AGL: variants seen among roughly 807,000 people sequenced by gnomAD.
The protein encoded by AGL is amylo-alpha-1,6-glucosidase and 4-alpha-glucanotransferase.
Under a neutral mutation model 199.3 loss-of-function variants are expected in AGL, and 128 were observed. That is an observed-to-expected ratio of 0.64 (90% confidence interval 0.56 to 0.74). The LOEUF is 0.74. Ranked by LOEUF, AGL falls within the 30% of genes least tolerant of loss-of-function variation. AGL has a pLI of 0.00. For missense variants in AGL, 1,809 were observed against 1,820.8 expected, an observed-to-expected ratio of 0.99 and a Z score of 0.12; for synonymous variants, 584 against 594.7, an observed-to-expected ratio of 0.98 and a Z score of 0.26.
Position 99,891,690 on chromosome 1 carries a change from A to G in AGL, c.3034A>G (p.Ile1012Val), listed in dbSNP as rs1419896702. Residue 1012 changes from isoleucine to valine, a missense_variant, in exon 23 of 34, where the codon ATT becomes GTT. Physicochemically the swap from Ile to Val is conservative, Grantham distance 29. Transcript: ENST00000361915. ...CCCATGTTACTTTGATGCTATATTA[A>G]TTGGTGCATATACCACTCTTCTGGA... is the stretch of plus-strand genomic sequence containing the variant. ...LIPCYFDAIL[I>V]GAYTTLLDTA... 1.2e-6 allele frequency: 2 copies of G among 1,613,622 alleles called. No individual in the cohort carries two copies. Among genetic ancestry groups the G allele is most frequent in the East Asian group, 2.2e-5 (1 of 44,814 alleles).
At chr1:99,874,218 G>T (rs1016871574) in intron 7 of AGL, among the ~76,000 whole-genome samples, 3 of 149,082 alleles carry the variant, frequency 2.0e-5, no homozygotes, top group African/African-American at 7.5e-5. Context: ...TGGTAGCACC[G>T]GGGAGGAAAA....
intron 27 of AGL, among the ~76,000 whole-genome samples, chr1:99,904,198 C>T (rs1654072738): frequency 6.6e-6 from 1 of 152,218 alleles, no homozygotes; most frequent in African/African-American, 2.4e-5. Flanking sequence ...TCATGGCACA[C>T]TATCATCGCC....
chr1:99,857,847 A>AGGGGGAGGCCGTGGGGAGGGGGCGGGGGG (rs1649686521), intron 2 of AGL, among the ~76,000 whole-genome samples: 1 of 8,226 alleles, frequency 1.2e-4, no homozygotes, highest in Non-Finnish European at 2.4e-4. Context: ...GGGGAGGGGG[A>AGGGGGAGGCCGTGGGGAGGGGGCGGGGGG]GGGGGGAAGA....
chr1:99,857,476 G>A (rs1477143534), intron 2 of AGL, among the ~76,000 whole-genome samples: 1 of 152,072 alleles, frequency 6.6e-6, no homozygotes, highest in Non-Finnish European at 1.5e-5. Context: ...GGAGGTGGAG[G>A]TTGTAGTGAG....
chr1:99,910,688 T>C, intron 27 of AGL, 24 bp from the exon 28 acceptor site: 1 of 1,426,060 alleles, frequency 7.0e-7, no homozygotes, highest in Non-Finnish European at 9.6e-7. Context: ...TAAAATTTTA[T>C]TTTATACACA....
chr1:99,888,156 C>A, intron 21 of AGL, 48 bp downstream of exon 21: 1 of 1,605,108 alleles, frequency 6.2e-7, no homozygotes, highest in South Asian at 1.1e-5. Context: ...CTTTTAGGGT[C>A]ATCTGGTGTC....
chr1:99,852,111 A>G (rs957443805), intron 2 of AGL, among the ~76,000 whole-genome samples: 5 of 151,884 alleles, frequency 3.3e-5, no homozygotes, highest in African/African-American at 1.2e-4. Context: ...TTTTTAATTA[A>G]TTATGGGTAT....
In AGL at chr1:99,868,868, A is replaced by C. The variant is rs192591082; in HGVS notation, c.665-1532A>C. 2.1e-5 allele frequency among the ~76,000 whole-genome samples: 3 copies of C among 143,692 alleles called. No homozygotes were observed. In the East Asian group the frequency reaches 6.2e-4, roughly 30 times the overall value. The allele number at this position is 143,692 out of a possible 152,430, so 94.3% of individuals were successfully genotyped here. A position where few individuals can be genotyped will look rare whatever the true frequency, so the allele number is the denominator to read the frequency against. On this transcript the variant is annotated intron_variant, in intron 5 of 33. Coordinates refer to ENST00000361915, the MANE Select transcript of AGL (RefSeq NM_000642.3). The stretch of plus-strand genomic sequence containing the variant: ...GAGACAGGGTCTCATTCTGTCACCC[A>C]GGCTGTAGTGCAGTGGCACAATCTC...
At position 99,888,059 on chromosome 1, in the gene AGL, G is replaced by C. The variant is rs765549237; in HGVS notation, c.2763G>C (p.Gly921=). The change falls in exon 21 of 34, where the codon GGG becomes GGC. Residue 921 remains glycine, a synonymous_variant. Coordinates refer to ENST00000361915, the MANE Select transcript of AGL (RefSeq NM_000642.3). ...CAGAAGAAAAGGAAGATGGTGGAGG[G>C]TGCTATGACATACCAAACTGGTCAG... ...CESEEKEDGG[G]CYDIPNWSAL... is the part of the protein sequence containing the mutation. 5 of 1,613,420 alleles carry C rather than the reference G, an allele frequency of 3.1e-6. No individual in the cohort carries two copies. In the Admixed American group the frequency reaches 8.3e-5, roughly 27 times the overall value.
chr1:99,887,328 A>G (rs1652526662), intron 20 of AGL, among the ~76,000 whole-genome samples: 1 of 152,182 alleles, frequency 6.6e-6, no homozygotes, highest in Admixed American at 6.5e-5. Flanking sequence ...AATCAAGGCC[A>G]TGATAGTCTT....
Position 99,907,025 on chromosome 1 carries a change from T to C in AGL, c.3701-3687T>C, listed in dbSNP as rs1248144690. 3.9e-5 allele frequency among the ~76,000 whole-genome samples: 6 copies of C among 152,292 alleles called. 3 individuals are homozygous for C. The highest frequency in any genetic ancestry group is 3.9e-4 in the Admixed American group (6 of 15,296). On this transcript the variant is annotated intron_variant, in intron 27 of 33. Coordinates refer to ENST00000361915, the MANE Select transcript of AGL (RefSeq NM_000642.3). ...TCTGCAACTTTGCTAACACCTGGTA[T>C]TTTCTGTTCTTTTGATAGTTACCAT...
chr1:99,904,487 T>C (rs1351946175), intron 27 of AGL, among the ~76,000 whole-genome samples: 2 of 152,128 alleles, frequency 1.3e-5, no homozygotes, highest in African/African-American at 2.4e-5. Context: ...TGTGTGTATA[T>C]GTGTATGTGT....
At chr1:99,889,741 C>T (rs1369282273) in intron 21 of AGL, among the ~76,000 whole-genome samples, 1 of 152,094 alleles carries the variant, frequency 6.6e-6, no homozygotes, top group African/African-American at 2.4e-5. Context: ...CTTTGTCTTT[C>T]TTATAGTTAA....
At chr1:99,855,800 C>CA (rs879745948) in intron 2 of AGL, among the ~76,000 whole-genome samples, 2,361 of 134,306 alleles carry the variant, frequency 0.018, 32 homozygotes, top group Middle Eastern at 0.096. Context: ...GACTCGGTCT[C>CA]AAAAAAAAAA....
intron 25 of AGL, among the ~76,000 whole-genome samples, chr1:99,896,973 C>T (rs1021391747): frequency 5.9e-5 from 9 of 152,092 alleles, no homozygotes; most frequent in Non-Finnish European, 1.0e-4. Flanking sequence ...CCCGCCACCA[C>T]GCCCAGCTAA....
rs1654908872 is a variant in AGL at position 99,913,626 on chromosome 1, A to C, written c.4049A>C (p.Glu1350Ala). 1 of 1,613,920 alleles carries C rather than the reference A, an allele frequency of 6.2e-7. No homozygotes were observed. Among genetic ancestry groups the C allele is most frequent in the Admixed American group, 1.7e-5 (1 of 59,994 alleles). The change falls in exon 30 of 34, where the codon GAA becomes GCA. Residue 1350 changes from glutamate to alanine, a missense_variant. Coordinates refer to ENST00000361915, the MANE Select transcript of AGL (RefSeq NM_000642.3). Reference sequence around the variant, plus strand: ...TCCGAAGACCCTTCAGATTTAAATGAAAAGCATCCAAATCTGGTTCACAAA... The same window carrying C: ...TCCGAAGACCCTTCAGATTTAAATGCAAAGCATCCAAATCTGGTTCACAAA... ...HVSEDPSDLN[E>A]KHPNLVHKRG...
At chr1:99,872,414 A>G (rs1651095346) in intron 7 of AGL, among the ~76,000 whole-genome samples, 4 of 152,242 alleles carry the variant, frequency 2.6e-5, no homozygotes, top group African/African-American at 9.6e-5. Flanking sequence ...GATTTCAAAT[A>G]TAATAAATTT....
chr1:99,907,693 G>GTTTTTGTTTTTTTTT (rs1553191714), intron 27 of AGL, among the ~76,000 whole-genome samples: 2 of 118,944 alleles, frequency 1.7e-5, no homozygotes, highest in Admixed American at 1.8e-4. Flanking sequence ...TTTGTTTTTT[G>GTTTTTGTTTTTTTTT]TTTTTTTTGC....
chr1:99,887,901 T>A, intron 20 of AGL, 77 bp from the exon 21 acceptor site: 1 of 1,525,314 alleles, frequency 6.6e-7, no homozygotes, highest in Non-Finnish European at 9.0e-7. Flanking sequence ...TGATTGTAAT[T>A]CAGATTTTCT....
Sources: gnomAD v4.1 joint callset for allele counts (sites outside exome capture counted in the v4.1 genomes callset) on GRCh38, gnomAD v4.1.1 for gene constraint, MANE v1.5 for transcripts, NCBI Gene and HGNC (gene_info 2026-07-23, HGNC 2026-07-21) for gene names.